ADAM19: variants seen among roughly 807,000 people sequenced by gnomAD.
ADAM19 encodes the protein ADAM metallopeptidase domain 19.
Under a neutral mutation model 114.7 loss-of-function variants are expected in ADAM19, and 65 were observed. That is an observed-to-expected ratio of 0.57 (90% CI 0.46 to 0.70). ADAM19 has a LOEUF of 0.70. Among genes scored for constraint, ADAM19 ranks in the 30% least tolerant of loss-of-function variants. The pLI, the probability that ADAM19 is intolerant of heterozygous loss-of-function variation, is 0.00. For synonymous variants in ADAM19, 466 were observed against 460.5 expected (o/e 1.01, Z -0.15); for missense variants, 1,063 against 1,204.7 (o/e 0.88, Z 1.74).
At chr5:157,560,604 A>T (rs1210645478) in intron 3 of ADAM19, among the ~76,000 whole-genome samples, 1 of 152,256 alleles carries the variant, frequency 6.6e-6, no homozygotes, top group East Asian at 1.9e-4. Flanking sequence ...GAAATGCTGG[A>T]GCAATATGTC....
chr5:157,574,690 C>A (rs1038036345), intron 1 of ADAM19, among the ~76,000 whole-genome samples: 4 of 152,184 alleles, frequency 2.6e-5, no homozygotes, highest in Admixed American at 2.6e-4. Context: ...ACCCGGGCAC[C>A]GCCCCCCGGG....
chr5:157,515,667 A>C (rs11134788), intron 7 of ADAM19, among the ~76,000 whole-genome samples: 11,781 of 152,268 alleles, frequency 0.077, 591 homozygotes, highest in South Asian at 0.17. Context: ...CCTGATGTAA[A>C]GAAAGGACTG....
At chr5:157,503,177 T>C (rs1755622776) in intron 11 of ADAM19, among the ~76,000 whole-genome samples, 197 bp from the exon 12 acceptor site, 1 of 152,114 alleles carries the variant, frequency 6.6e-6, no homozygotes, top group African/African-American at 2.4e-5. Flanking sequence ...ATCCCTTGAG[T>C]TCGTGTCCTT....
intron 2 of ADAM19, among the ~76,000 whole-genome samples, chr5:157,567,236 T>G (rs1257713177): frequency 6.6e-6 from 1 of 152,194 alleles, no homozygotes; most frequent in Non-Finnish European, 1.5e-5. Context: ...GATCAAAGGC[T>G]CTTGGGCAAC....
intron 3 of ADAM19, among the ~76,000 whole-genome samples, chr5:157,558,563 C>A (rs1242257887): frequency 2.6e-5 from 4 of 152,094 alleles, no homozygotes; most frequent in Non-Finnish European, 1.5e-5. Flanking sequence ...GCTCTTTGAT[C>A]CAGGAAATTG....
At chr5:157,567,429 T>C (rs6876128) in intron 2 of ADAM19, among the ~76,000 whole-genome samples, 31,195 of 152,170 alleles carry the variant, frequency 0.21, 4,569 homozygotes, top group African/African-American at 0.41. Context: ...TTTGCCACTT[T>C]ATGGAGTTTT....
chr5:157,518,409 A>T (rs1023868512), intron 7 of ADAM19, among the ~76,000 whole-genome samples: 1 of 152,062 alleles, frequency 6.6e-6, no homozygotes, highest in Non-Finnish European at 1.5e-5. Flanking sequence ...TTTGAGACGG[A>T]GTTTCGCTCT....
intron 4 of ADAM19, among the ~76,000 whole-genome samples, chr5:157,531,676 G>GA (rs781565661): frequency 0.11 from 14,473 of 133,980 alleles, 777 homozygotes; most frequent in South Asian, 0.18. Flanking sequence ...CAAGGAAAAG[G>GA]AAAAAAAAAA....
intron 3 of ADAM19, among the ~76,000 whole-genome samples, chr5:157,553,160 T>A (rs1757251977): frequency 6.6e-6 from 1 of 152,218 alleles, no homozygotes; most frequent in East Asian, 1.9e-4. Context: ...AATTTAACTA[T>A]ACATTTTAAA....
At chr5:157,490,197 C>T (rs1189798443) in intron 19 of ADAM19, 113 bp downstream of exon 19, 2 of 1,235,780 alleles carry the variant, frequency 1.6e-6, no homozygotes, top group Admixed American at 1.9e-5. Flanking sequence ...GTATCTTGCA[C>T]TTGTCTTCCC....
At chr5:157,509,196 C>G (rs1755836265) in intron 9 of ADAM19, 105 bp downstream of exon 9, 1 of 1,223,990 alleles carries the variant, frequency 8.2e-7, no homozygotes, top group South Asian at 1.8e-5. Context: ...GTCAGAATGG[C>G]CTTGTACAAC....
At chr5:157,573,447 T>G (rs573231388) in intron 1 of ADAM19, among the ~76,000 whole-genome samples, 1 of 152,276 alleles carries the variant, frequency 6.6e-6, no homozygotes, top group Non-Finnish European at 1.5e-5. Flanking sequence ...GATTTCAGCA[T>G]AGTAAAAAGA....
chr5:157,484,378 G>C (rs1754861168), intron 21 of ADAM19, among the ~76,000 whole-genome samples: 1 of 152,134 alleles, frequency 6.6e-6, no homozygotes, highest in Non-Finnish European at 1.5e-5. Flanking sequence ...GTATACAGTA[G>C]GTGCTCAACA....
intron 3 of ADAM19, among the ~76,000 whole-genome samples, chr5:157,558,628 C>T (rs748200816): frequency 1.4e-4 from 22 of 152,162 alleles, no homozygotes; most frequent in Non-Finnish European, 3.2e-4. Context: ...AGAGAGCTGT[C>T]CTTTATCCTA....
chr5:157,490,279 A>T, intron 19 of ADAM19, 31 bp downstream of exon 19: 1 of 1,612,338 alleles, frequency 6.2e-7, no homozygotes, highest in Non-Finnish European at 8.5e-7. Flanking sequence ...CCATAAATTG[A>T]CCCTGAGTCC....
At chr5:157,504,616 A>G (rs1402877870) in intron 11 of ADAM19, among the ~76,000 whole-genome samples, 1 of 152,106 alleles carries the variant, frequency 6.6e-6, no homozygotes, top group Non-Finnish European at 1.5e-5. Flanking sequence ...AGCTCTAAGA[A>G]AGCTGCACTG....
In ADAM19 at chr5:157,491,864, C is replaced by G; in HGVS notation, c.1957G>C (p.Gly653Arg). Residue 653 changes from glycine (G) to arginine (R), a missense_variant, in exon 17 of 23, where the codon GGC becomes CGC. Gly to Arg is a moderately radical substitution (Grantham distance 125). This residue lies in a region of ADAM19 where 424 missense variants were observed against 445.5 expected (regional missense o/e 0.95). Transcript: ENST00000257527. ...TGGCCATTGCACTTCTTCCCACAGC[C>G]TTCAGTTTCAAAGAAGGAGGTGTTC... is the stretch of plus-strand genomic sequence containing the variant. ...CRNTSFFETE[G>R]CGKKCNGHGV... 6.2e-7 allele frequency: 1 copy of G among 1,614,244 alleles called. No individual in the cohort carries two copies. Among genetic ancestry groups the G allele is most frequent in the Non-Finnish European group, 8.5e-7 (1 of 1,180,046 alleles).
chr5:157,543,925 A>G (rs1158493483), intron 3 of ADAM19, among the ~76,000 whole-genome samples: 2 of 152,228 alleles, frequency 1.3e-5, no homozygotes, highest in Non-Finnish European at 2.9e-5. Flanking sequence ...GTTTTCTAAG[A>G]TGCTGAAAGA....
At chr5:157,547,398 T>C (rs530947593) in intron 3 of ADAM19, among the ~76,000 whole-genome samples, 1 of 152,318 alleles carries the variant, frequency 6.6e-6, no homozygotes, top group African/African-American at 2.4e-5. Flanking sequence ...GAGGAGTGAT[T>C]AGGCCATGAG....
Sources: gnomAD v4.1 joint callset for allele counts (sites outside exome capture counted in the v4.1 genomes callset) on GRCh38, gnomAD v4.1.1 for gene constraint, gnomAD v4.1.1 regional missense constraint, MANE v1.5 for transcripts, NCBI Gene and HGNC (gene_info 2026-07-23, HGNC 2026-07-21) for gene names.